Variants in ANKRD36 observed in about 807,000 individuals in gnomAD.
The protein encoded by ANKRD36 is ankyrin repeat domain-containing protein 36A.
In ANKRD36, 179 loss-of-function variants were observed where a neutral mutation model predicts 278.1. The ratio of observed to expected loss-of-function variants is 0.64; its 90% CI spans 0.57 to 0.73. The LOEUF (loss-of-function observed/expected upper bound fraction) is 0.73. Ranked by LOEUF, ANKRD36 falls within the 30% of genes least tolerant of loss-of-function variation. ANKRD36 has a pLI of 0.00. For synonymous variants in ANKRD36, 320 were observed against 641.1 expected, an observed-to-expected ratio of 0.50 and a Z score of 7.57; for missense variants, 1,159 against 1,956.7, an observed-to-expected ratio of 0.59 and a Z score of 7.69.
intron 67 of ANKRD36, among the ~76,000 whole-genome samples, chr2:97,226,252 G>A (rs1488332700): frequency 1.3e-5 from 2 of 151,880 alleles, no homozygotes; most frequent in Non-Finnish European, 2.9e-5. Context: ...CAGTGTAAAA[G>A]TGTTCCTATT....
chr2:97,165,128 A>G (rs959409124), intron 20 of ANKRD36, among the ~76,000 whole-genome samples: 5 of 152,366 alleles, frequency 3.3e-5, no homozygotes, highest in African/African-American at 1.2e-4. Context: ...AGTCACTGCA[A>G]TGCACATTAA....
rs1213915386 is a variant in ANKRD36 at position 97,224,744 on chromosome 2, A to T, written c.3878-62A>T. 9 of 740,764 alleles carry T rather than the reference A, an allele frequency of 1.2e-5. No homozygotes were observed. The African/African-American group carries it at 1.8e-4, about 15-fold the overall frequency. The allele number at this position is 740,764 out of a possible 1,614,324, so 45.9% of individuals were successfully genotyped here. A position where few individuals can be genotyped will look rare whatever the true frequency, so the allele number is the denominator to read the frequency against. On this transcript the variant is annotated intron_variant, in intron 66 of 75. Transcript: ENST00000420699. ...GGATTACAGGCGTGAGCCACCGCTGACCATGGCTTTTATCTAACTGTTCTG... is the reference window on the plus strand; with the variant it reads ...GGATTACAGGCGTGAGCCACCGCTGTCCATGGCTTTTATCTAACTGTTCTG...
intron 48 of ANKRD36, among the ~76,000 whole-genome samples, chr2:97,203,835 A>G (rs1385872377): frequency 1.3e-5 from 2 of 151,798 alleles, no homozygotes; most frequent in Admixed American, 6.6e-5. Context: ...TTAGTTTTTC[A>G]CATATGACAA....
chr2:97,211,539 T>C lies in ANKRD36; in HGVS notation c.3368-7T>C, dbSNP rs759478855. On this transcript the variant is annotated splice_polypyrimidine_tract_variant and splice_region_variant and intron_variant, in intron 56 of 75. Transcript: ENST00000420699. ...ATGAGTGATTATGTATCCCTTTTGC[T>C]TTTCAGTGTCTTCTCCGAAACAACC... is the stretch of plus-strand genomic sequence containing the variant. The C allele has an allele frequency of 2.5e-6, 4 of 1,605,870 alleles. No individual in the cohort carries two copies. The South Asian group carries it at 4.4e-5, about 18-fold the overall frequency.
intron 15 of ANKRD36, among the ~76,000 whole-genome samples, chr2:97,155,376 G>A (rs1009880730): frequency 6.9e-6 from 1 of 145,100 alleles, no homozygotes; most frequent in Non-Finnish European, 1.6e-5. Context: ...AAGAGTTCAA[G>A]CCAGGAGAAT....
chr2:97,166,583 A>G (rs1374936394), intron 20 of ANKRD36, among the ~76,000 whole-genome samples: 1 of 150,308 alleles, frequency 6.7e-6, no homozygotes, highest in Non-Finnish European at 1.5e-5. Context: ...TAAAGATAGC[A>G]GCTGGCTAGG....
chr2:97,159,851 G>A (rs983742277), intron 17 of ANKRD36, among the ~76,000 whole-genome samples: 27 of 151,694 alleles, frequency 1.8e-4, no homozygotes, highest in Admixed American at 1.6e-3. Flanking sequence ...GGGCGATCTC[G>A]GCTCACTGCA....
Position 97,124,368 on chromosome 2 carries a change from A to G in ANKRD36, c.594-92A>G, listed in dbSNP as rs2037936918. 2.1e-6 allele frequency: 3 copies of G among 1,449,986 alleles called. No individual in the cohort carries two copies. The African/African-American group carries it at 4.3e-5, about 21-fold the overall frequency. 89.8% of individuals were successfully genotyped at this position (1,449,986 alleles called of 1,614,324 possible). A position where few individuals can be genotyped will look rare whatever the true frequency, so the allele number is the denominator to read the frequency against. On this transcript the variant is annotated intron_variant, in intron 4 of 75. Coordinates refer to ENST00000420699, the MANE Select transcript of ANKRD36 (RefSeq NM_001354587.1). ...TAGTACATGTAATTGGGTTAATTCT[A>G]CATGGACAGGCAACATATTAAGTTG...
At chr2:97,160,837 C>G (rs2048685914) in intron 17 of ANKRD36, among the ~76,000 whole-genome samples, 1 of 151,962 alleles carries the variant, frequency 6.6e-6, no homozygotes, top group South Asian at 2.1e-4. Flanking sequence ...TAAAAATGAG[C>G]TTTCTTAGGA....
At chr2:97,225,718 G>A (rs1338854757) in intron 67 of ANKRD36, among the ~76,000 whole-genome samples, 77 of 151,922 alleles carry the variant, frequency 5.1e-4, no homozygotes, top group African/African-American at 1.8e-3. Flanking sequence ...CTGGTGTGCT[G>A]CACCCATTAA....
chr2:97,117,960 A>C (rs1454101191), intron 1 of ANKRD36, 104 bp from the exon 2 acceptor site: 9 of 1,453,118 alleles, frequency 6.2e-6, no homozygotes, highest in Non-Finnish European at 7.3e-6. Flanking sequence ...CAAATGTTGT[A>C]CTTTCTTCAC....
intron 42 of ANKRD36, among the ~76,000 whole-genome samples, chr2:97,197,640 A>G (rs1341327669): frequency 6.6e-6 from 1 of 151,970 alleles, no homozygotes; most frequent in East Asian, 1.9e-4. Flanking sequence ...ATTATGCTGC[A>G]TTGTAATTAA....
At chr2:97,211,433 G>A in intron 56 of ANKRD36, 113 bp from the exon 57 acceptor site, 1 of 1,485,744 alleles carries the variant, frequency 6.7e-7, no homozygotes, top group Non-Finnish European at 9.2e-7. Flanking sequence ...AAGCCGTCAA[G>A]GCCTACACTA....
At chr2:97,156,283 A>G (rs1278134648) in intron 15 of ANKRD36, among the ~76,000 whole-genome samples, 2 of 145,296 alleles carry the variant, frequency 1.4e-5, no homozygotes, top group African/African-American at 4.9e-5. Context: ...GGTTAGTTAC[A>G]TATGTATACA....
At chr2:97,223,002 C>T (rs566260671) in intron 66 of ANKRD36, among the ~76,000 whole-genome samples, 18 of 151,828 alleles carry the variant, frequency 1.2e-4, no homozygotes, top group South Asian at 8.4e-4. Flanking sequence ...GTGAACGTTG[C>T]ACTGATTTTG....
rs553210286 is a variant in ANKRD36, at chr2:97,217,503, C to G, written c.3775+131C>G. On this transcript the variant is annotated intron_variant, in intron 64 of 75. Coordinates refer to ENST00000420699, the MANE Select transcript of ANKRD36 (RefSeq NM_001354587.1). ...TCAGCAGGCCTGAGATTGTGCATTTCTACTGAGTTGTCAGGTGTTGTTGAT... is the reference window on the plus strand; with the variant it reads ...TCAGCAGGCCTGAGATTGTGCATTTGTACTGAGTTGTCAGGTGTTGTTGAT... 3.8e-5 allele frequency: 49 copies of G among 1,284,258 alleles called. No individual in the cohort carries two copies. The African/African-American group carries it at 7.5e-4, about 20-fold the overall frequency. The allele number at this position is 1,284,258 out of a possible 1,614,324, so 79.6% of individuals were successfully genotyped here.
At chr2:97,212,671 C>G (rs1427228442) in intron 58 of ANKRD36, 1 of 154,642 alleles carries the variant, frequency 6.5e-6, no homozygotes, top group Non-Finnish European at 1.4e-5. Flanking sequence ...TTATTAATAT[C>G]TAATGCTTGT....
chr2:97,122,903 T>C lies in ANKRD36; in HGVS notation c.503T>C (p.Leu168Pro). Residue 168 changes from leucine (L) to proline (P), a missense_variant, in exon 4 of 76, where the codon CTG (leucine) becomes CCG (proline). Coordinates refer to ENST00000420699, the MANE Select transcript of ANKRD36 (RefSeq NM_001354587.1). ...EECSKCEYQP[L>P]LFAVSRRKVK... The stretch of plus-strand genomic sequence containing the variant: ...ATTTTACAGTGTGAATATCAGCCAC[T>C]GTTATTTGCTGTGAGTCGAAGAAAA... 1 of 1,542,212 alleles carries C rather than the reference T, an allele frequency of 6.5e-7. No individual in the cohort carries two copies. The highest frequency in any genetic ancestry group is 8.8e-7 in the Non-Finnish European group (1 of 1,141,986).
chr2:97,194,628 A>C, intron 38 of ANKRD36, 98 bp from the exon 39 acceptor site: 2 of 1,575,892 alleles, frequency 1.3e-6, no homozygotes, highest in Non-Finnish European at 1.7e-6. Context: ...ACACTAATAC[A>C]GGCAGGAGGA....
Sources: allele counts gnomAD v4.1 joint callset (sites outside exome capture counted in the v4.1 genomes callset), GRCh38; gene constraint gnomAD v4.1.1; transcripts MANE v1.5; gene names NCBI Gene and HGNC (gene_info 2026-07-23, HGNC 2026-07-21).